Variants in TMEM272 observed in about 807,000 individuals in gnomAD.
The protein encoded by TMEM272 is transmembrane protein 272.
In TMEM272, 8 loss-of-function variants were observed where a neutral mutation model predicts 3.7. That is an observed-to-expected ratio of 2.17 (90% CI 1.27 to 3.91). The LOEUF is 3.91. TMEM272 is among the 30% of genes most tolerant of loss of function. The pLI is 0.00. For synonymous variants in TMEM272, 63 were observed against 39.8 expected, an observed-to-expected ratio of 1.58 and a Z score of -2.20; for missense variants, 166 against 91.5, an observed-to-expected ratio of 1.81 and a Z score of -3.32.
chr13:51,933,455 G>C, the TMEM272 span: 2 of 152,232 alleles, frequency 1.3e-5, no homozygotes, highest in Non-Finnish European at 2.9e-5. Context: ...TTGTGTGGGA[G>C]AAAAGGGTTT....
At chr13:51,922,690 T>C in the TMEM272 span, among the ~76,000 whole-genome samples, 4 of 152,194 alleles carry the variant, frequency 2.6e-5, no homozygotes, top group African/African-American at 4.8e-5. Flanking sequence ...AAGTTTGAAA[T>C]GGGTCTTATG....
intron 1 of TMEM272, among the ~76,000 whole-genome samples, chr13:51,842,902 T>C (rs1012741441): frequency 6.6e-6 from 1 of 152,236 alleles, no homozygotes; most frequent in African/African-American, 2.4e-5. Flanking sequence ...AAGTGCTTTG[T>C]TTCATGCACA....
chr13:51,899,183 A>G, the TMEM272 span, among the ~76,000 whole-genome samples: 45 of 152,262 alleles, frequency 3.0e-4, no homozygotes, highest in African/African-American at 9.9e-4. Context: ...TGAGGTCAAT[A>G]TATAAAAAAT....
chr13:51,851,556 G>C, the TMEM272 span, among the ~76,000 whole-genome samples: 2 of 93,070 alleles, frequency 2.1e-5, no homozygotes, highest in Non-Finnish European at 1.9e-5. Flanking sequence ...ACGGAGTCTT[G>C]TTCTGTTACC....
the TMEM272 span, among the ~76,000 whole-genome samples, chr13:51,921,739 G>A: frequency 3.3e-5 from 5 of 152,212 alleles, no homozygotes; most frequent in African/African-American, 4.8e-5. Flanking sequence ...CCTTCAAGCC[G>A]TCAGAACTTA....
Position 51,815,031 on chromosome 13 carries a change from C to A in TMEM272, c.*1720G>T, listed in dbSNP as rs147954980. 6.6e-6 allele frequency: 1 copy of A among 152,646 alleles called. No homozygotes were observed. The highest frequency in any genetic ancestry group is 1.5e-5 in the Non-Finnish European group (1 of 68,118). 9.5% of individuals were successfully genotyped at this position (152,646 alleles called of 1,614,324 possible). On this transcript the variant is annotated 3_prime_UTR_variant, in exon 5 of 5. Transcript: ENST00000629372. The stretch of plus-strand genomic sequence containing the variant: ...TGGCTAAGTGACTGGGAATGGCTGA[C>A]GAGTCATGGACTGGGGAAAGGAGGG...
the TMEM272 span, among the ~76,000 whole-genome samples, chr13:51,929,721 C>A: frequency 6.6e-6 from 1 of 152,240 alleles, no homozygotes; most frequent in Admixed American, 6.5e-5. Flanking sequence ...GGTTTGAACG[C>A]CCCTTCTGTG....
rs1955990157 is a variant in TMEM272, at chr13:51,813,773, G to C, written c.*2978C>G. 6.5e-6 allele frequency: 1 copy of C among 153,032 alleles called. No individual in the cohort carries two copies. The highest frequency in any genetic ancestry group is 2.4e-5 in the African/African-American group (1 of 41,470). The allele number at this position is 153,032 out of a possible 1,614,324, so 9.5% of individuals were successfully genotyped here. On this transcript the variant is annotated 3_prime_UTR_variant, in exon 5 of 5. Transcript: ENST00000629372. The stretch of plus-strand genomic sequence containing the variant: ...TTCAACTGTCATTTATATAGATTCA[G>C]GCAAAGAATGGTTTTTAGAATGATG...
the TMEM272 span, among the ~76,000 whole-genome samples, chr13:51,870,627 G>A: frequency 2.0e-5 from 3 of 152,194 alleles, no homozygotes; most frequent in Admixed American, 2.0e-4. Context: ...ACACAATTTT[G>A]AAAGCAGAAA....
the TMEM272 span, among the ~76,000 whole-genome samples, chr13:51,858,886 T>C: frequency 6.6e-6 from 1 of 152,104 alleles, no homozygotes; most frequent in Non-Finnish European, 1.5e-5. Context: ...TCCCGCCCCA[T>C]CCACCCGGTG....
chr13:51,841,090 C>G (rs958948499), intron 1 of TMEM272, among the ~76,000 whole-genome samples: 1 of 152,218 alleles, frequency 6.6e-6, no homozygotes, highest in Non-Finnish European at 1.5e-5. Context: ...CCACTTAAAA[C>G]CCTGCCTGGA....
the TMEM272 span, among the ~76,000 whole-genome samples, chr13:51,874,835 C>T: frequency 6.6e-6 from 1 of 152,216 alleles, no homozygotes; most frequent in Non-Finnish European, 1.5e-5. Context: ...TATGGCTGCG[C>T]TGTCTGTGCC....
the TMEM272 span, among the ~76,000 whole-genome samples, chr13:51,876,829 A>C: frequency 6.6e-6 from 1 of 152,242 alleles, no homozygotes; most frequent in East Asian, 1.9e-4. Context: ...TCCATTAAAC[A>C]GACAATCCTT....
the TMEM272 span, among the ~76,000 whole-genome samples, chr13:51,870,159 C>G: frequency 6.6e-6 from 1 of 152,016 alleles, no homozygotes; most frequent in Non-Finnish European, 1.5e-5. Context: ...AAAGTGGAGC[C>G]GAGGGGGTCA....
intron 1 of TMEM272, among the ~76,000 whole-genome samples, chr13:51,842,447 G>C (rs571589239): frequency 1.7e-4 from 26 of 152,250 alleles, no homozygotes; most frequent in Admixed American, 2.0e-4. Context: ...AGTCCACCAG[G>C]GAGCAGACAC....
intron 4 of TMEM272, among the ~76,000 whole-genome samples, chr13:51,817,677 A>G (rs1328734226): frequency 7.1e-6 from 1 of 141,738 alleles, no homozygotes; most frequent in Non-Finnish European, 1.5e-5. Flanking sequence ...GGAAGTTTGT[A>G]CCACTGCCCA....
chr13:51,920,481 A>G, the TMEM272 span, among the ~76,000 whole-genome samples: 1 of 152,100 alleles, frequency 6.6e-6, no homozygotes, highest in African/African-American at 2.4e-5. Flanking sequence ...AAGCCCTCCA[A>G]TGTCTCCCAG....
chr13:51,819,563 C>T (rs1366694704), intron 4 of TMEM272, among the ~76,000 whole-genome samples: 1 of 152,200 alleles, frequency 6.6e-6, no homozygotes, highest in Non-Finnish European at 1.5e-5. Context: ...CCTGGAGCCA[C>T]CTGGCCCCCT....
chr13:51,893,747 T>C, the TMEM272 span, among the ~76,000 whole-genome samples: 2 of 152,176 alleles, frequency 1.3e-5, no homozygotes, highest in Non-Finnish European at 2.9e-5. Context: ...GAAAATGTTT[T>C]TTATTTAATT....
Sources: allele counts gnomAD v4.1 joint callset (sites outside exome capture counted in the v4.1 genomes callset), GRCh38; gene constraint gnomAD v4.1.1; transcripts MANE v1.5; gene names NCBI Gene and HGNC (gene_info 2026-07-23, HGNC 2026-07-21).